PTPRT: variants seen among roughly 807,000 people sequenced by gnomAD.
PTPRT encodes protein tyrosine phosphatase receptor type T.
PTPRT carries 56 observed loss-of-function variants against 176.8 expected under a neutral mutation model. The ratio of observed to expected loss-of-function variants is 0.32; its 90% CI spans 0.26 to 0.40. The LOEUF (loss-of-function observed/expected upper bound fraction) is 0.40. Among genes scored for constraint, PTPRT ranks in the 10% least tolerant of loss-of-function variants. PTPRT has a pLI of 1.00. For synonymous variants in PTPRT, 783 were observed against 739.0 expected, an observed-to-expected ratio of 1.06 and a Z score of -0.96; for missense variants, 1,540 against 1,908.2, an observed-to-expected ratio of 0.81 and a Z score of 3.60.
Position 42,115,184 on chromosome 20 carries a change from C to G in PTPRT, c.3099+15G>C. On this transcript the variant is annotated intron_variant, in intron 22 of 30. Coordinates refer to ENST00000373187, the MANE Select transcript of PTPRT (RefSeq NM_007050.6). Reference sequence around the variant, plus strand: ...TCATGGTGGACCGGCTGCCCACAGCCTCCAAGAAGCTTACCTTCTGGACTG... The same window carrying G: ...TCATGGTGGACCGGCTGCCCACAGCGTCCAAGAAGCTTACCTTCTGGACTG... The G allele has an allele frequency of 6.3e-7, 1 of 1,596,654 alleles. No individual in the cohort carries two copies.
intron 3 of PTPRT, among the ~76,000 whole-genome samples, chr20:42,780,860 C>T (rs775055021): frequency 6.6e-6 from 1 of 152,168 alleles, no homozygotes; most frequent in Non-Finnish European, 1.5e-5. Context: ...ACCTAAACTG[C>T]TATTTCCATA....
chr20:42,175,042 T>A (rs920518038), intron 16 of PTPRT, among the ~76,000 whole-genome samples: 4 of 152,230 alleles, frequency 2.6e-5, no homozygotes, highest in African/African-American at 9.6e-5. Flanking sequence ...TCTTTCCCTA[T>A]CCATAGTGGC....
At chr20:42,361,589 C>T (rs185189589) in intron 9 of PTPRT, among the ~76,000 whole-genome samples, 3 of 152,242 alleles carry the variant, frequency 2.0e-5, no homozygotes, top group Non-Finnish European at 2.9e-5. Context: ...CCCCTGGGGC[C>T]GCCATGTGTG....
intron 7 of PTPRT, among the ~76,000 whole-genome samples, chr20:42,658,941 G>C (rs1424860378): frequency 1.3e-5 from 2 of 152,108 alleles, no homozygotes. Context: ...TGTCCAGGGA[G>C]ATATATCTGT....
intron 9 of PTPRT, 37 bp downstream of exon 9, chr20:42,448,183 G>A (rs745474699): frequency 6.7e-7 from 1 of 1,492,492 alleles, no homozygotes; most frequent in Non-Finnish European, 9.3e-7. Flanking sequence ...CTTGAATAAA[G>A]CTAAGCCAAT....
At chr20:42,818,284 G>A (rs545034855) in intron 2 of PTPRT, among the ~76,000 whole-genome samples, 3 of 151,912 alleles carry the variant, frequency 2.0e-5, no homozygotes, top group Non-Finnish European at 4.4e-5. Context: ...CTAATGAAGA[G>A]GGACCTGACT....
chr20:43,170,631 C>T (rs1399888567), intron 1 of PTPRT, among the ~76,000 whole-genome samples: 2 of 152,172 alleles, frequency 1.3e-5, no homozygotes, highest in Non-Finnish European at 2.9e-5. Context: ...TATCCCTCAC[C>T]AGGTATTTGA....
chr20:42,034,526 T>C, the PTPRT span, among the ~76,000 whole-genome samples: 2 of 152,154 alleles, frequency 1.3e-5, no homozygotes, highest in African/African-American at 4.8e-5. Context: ...ACCTAAAGAT[T>C]GAGTCTCAGG....
intron 2 of PTPRT, among the ~76,000 whole-genome samples, chr20:42,818,481 C>T (rs911132654): frequency 7.2e-5 from 11 of 152,306 alleles, no homozygotes; most frequent in Admixed American, 3.3e-4. Context: ...AGTGCCTTTC[C>T]TCCTCCAAAC....
chr20:42,408,088 G>C (rs781781330), intron 9 of PTPRT, among the ~76,000 whole-genome samples: 1 of 151,966 alleles, frequency 6.6e-6, no homozygotes. Context: ...AAACCAATAC[G>C]TTGATGAAAT....
chr20:43,124,998 ATT>A (rs551043648), intron 1 of PTPRT, among the ~76,000 whole-genome samples: 3 of 146,384 alleles, frequency 2.0e-5, no homozygotes, highest in African/African-American at 2.5e-5. Context: ...GATTTGGGAA[ATT>A]TTTTTTTTTT....
chr20:42,845,894 C>T (rs1212926853), intron 2 of PTPRT, among the ~76,000 whole-genome samples: 1 of 152,168 alleles, frequency 6.6e-6, no homozygotes, highest in East Asian at 1.9e-4. Flanking sequence ...CCCAGGGGTG[C>T]CCTCAAAGAA....
intron 2 of PTPRT, among the ~76,000 whole-genome samples, chr20:42,792,132 C>T (rs1164764341): frequency 1.3e-5 from 2 of 152,216 alleles, no homozygotes; most frequent in Non-Finnish European, 2.9e-5. Context: ...AGAATACACA[C>T]ATGGAGGACA....
At chr20:42,575,708 T>C (rs2073246825) in intron 7 of PTPRT, among the ~76,000 whole-genome samples, 1 of 152,110 alleles carries the variant, frequency 6.6e-6, no homozygotes, top group Non-Finnish European at 1.5e-5. Flanking sequence ...TGGGCCACAT[T>C]TGATGCATAG....
At chr20:42,557,354 C>A (rs1447930864) in intron 7 of PTPRT, among the ~76,000 whole-genome samples, 2 of 152,146 alleles carry the variant, frequency 1.3e-5, no homozygotes, top group Non-Finnish European at 2.9e-5. Flanking sequence ...TCTGCTCCTA[C>A]CCCTTGCTCT....
intron 18 of PTPRT, among the ~76,000 whole-genome samples, chr20:42,137,627 T>C (rs187798081): frequency 2.0e-5 from 3 of 152,326 alleles, no homozygotes; most frequent in African/African-American, 4.8e-5. Context: ...CTGGGCTCTC[T>C]CTTCTTGCCT....
rs567054923 is a variant in PTPRT at position 42,365,790 on chromosome 20, T to G, written c.1561-13505A>C. ...GGCTCAGGGTTGGACAAGCTTCGTC[T>G]AGAGCAAGCAGTAACGGCCCTGAGC... On this transcript the variant is annotated intron_variant, in intron 9 of 30. Coordinates refer to ENST00000373187, the MANE Select transcript of PTPRT (RefSeq NM_007050.6). 2.7e-3 allele frequency among the ~76,000 whole-genome samples: 409 copies of G among 152,340 alleles called. 2 individuals are homozygous for G. The highest frequency in any genetic ancestry group is 4.6e-3 in the Non-Finnish European group (316 of 68,032).
In PTPRT at chr20:42,483,915, A is replaced by T. The variant is rs62204947; in HGVS notation, c.1154-11353T>A. Among the ~76,000 whole-genome samples the T allele has an allele frequency of 8.4e-3, 1,274 of 152,356 alleles. 11 individuals carry two copies. The highest frequency in any genetic ancestry group is 0.014 in the Middle Eastern group (4 of 294). On this transcript the variant is annotated intron_variant, in intron 7 of 30. Transcript: ENST00000373187. ...GGGCGATAGAGGGAGCCTGCGGGGC[A>T]GGAGGACGGGGAGACTTCAGCATCA...
At chr20:42,218,659 A>C (rs901237080) in intron 15 of PTPRT, among the ~76,000 whole-genome samples, 2 of 152,298 alleles carry the variant, frequency 1.3e-5, no homozygotes, top group East Asian at 1.9e-4. Flanking sequence ...ACAACTCTGA[A>C]GGCATTGGTG....
Sources: gnomAD v4.1 joint callset for allele counts (sites outside exome capture counted in the v4.1 genomes callset) on GRCh38, gnomAD v4.1.1 for gene constraint, MANE v1.5 for transcripts, NCBI Gene and HGNC (gene_info 2026-07-23, HGNC 2026-07-21) for gene names.